Variants in RASAL2 observed in about 807,000 individuals in gnomAD.
RASAL2 encodes the protein RAS protein activator like 2.
In RASAL2, 58 loss-of-function variants were observed where a neutral mutation model predicts 128.9. That is an observed-to-expected ratio of 0.45 (90% CI 0.36 to 0.56). The LOEUF (loss-of-function observed/expected upper bound fraction) is 0.56. Among genes scored for constraint, RASAL2 ranks in the 20% least tolerant of loss-of-function variants. The pLI is 0.00. For synonymous variants in RASAL2, 561 were observed against 580.8 expected (o/e 0.97, Z 0.49); for missense variants, 1,360 against 1,601.6 (o/e 0.85, Z 2.57).
intron 1 of RASAL2, among the ~76,000 whole-genome samples, chr1:178,262,112 A>C (rs1665725651): frequency 6.6e-6 from 1 of 152,132 alleles, no homozygotes; most frequent in African/African-American, 2.4e-5. Flanking sequence ...ATGATTGAGG[A>C]ATATTCCAAG....
At chr1:178,181,960 C>T (rs991978536) in intron 1 of RASAL2, among the ~76,000 whole-genome samples, 2 of 152,094 alleles carry the variant, frequency 1.3e-5, no homozygotes, top group Non-Finnish European at 2.9e-5. Flanking sequence ...TGTAAAGTTA[C>T]TTTTTCCCCC....
At chr1:178,460,198 A>C (rs911191022) in intron 14 of RASAL2, among the ~76,000 whole-genome samples, 4 of 152,246 alleles carry the variant, frequency 2.6e-5, no homozygotes, top group African/African-American at 9.6e-5. Flanking sequence ...ATTAGCGAAG[A>C]GCATGAGATC....
At chr1:178,243,934 G>A (rs1380529064) in intron 1 of RASAL2, among the ~76,000 whole-genome samples, 3 of 152,190 alleles carry the variant, frequency 2.0e-5, no homozygotes, top group African/African-American at 4.8e-5. Flanking sequence ...TTCATTTAGA[G>A]TGCCTAGCTT....
At chr1:178,240,983 G>A (rs1437868045) in intron 1 of RASAL2, among the ~76,000 whole-genome samples, 1 of 151,602 alleles carries the variant, frequency 6.6e-6, no homozygotes, top group Non-Finnish European at 1.5e-5. Flanking sequence ...GCCCTCTGGT[G>A]TATCCTACTG....
chr1:178,400,858 C>T (rs1037053110), intron 4 of RASAL2, among the ~76,000 whole-genome samples: 2 of 152,170 alleles, frequency 1.3e-5, no homozygotes, highest in African/African-American at 4.8e-5. Flanking sequence ...TCAAGTGATT[C>T]TCCTGCCTCA....
At position 178,386,550 on chromosome 1, in the gene RASAL2, A is replaced by G. The variant is rs569044912; in HGVS notation, c.458-3550A>G. On this transcript the variant is annotated intron_variant, in intron 3 of 17. Coordinates refer to ENST00000367649, the MANE Select transcript of RASAL2 (RefSeq NM_170692.4). Reference sequence around the variant, plus strand: ...ATCACATCATCTGAGGTCATATCCAATGGCAAAGGAAATGAAGAGATACAT... The same window carrying G: ...ATCACATCATCTGAGGTCATATCCAGTGGCAAAGGAAATGAAGAGATACAT... Among the ~76,000 whole-genome samples, 12 of 152,308 alleles carry G rather than the reference A, an allele frequency of 7.9e-5. No homozygotes were observed. In the South Asian group the frequency reaches 1.9e-3, roughly 24 times the overall value.
At chr1:178,151,192 G>A (rs1220061780) in intron 1 of RASAL2, among the ~76,000 whole-genome samples, 4 of 152,060 alleles carry the variant, frequency 2.6e-5, no homozygotes, top group African/African-American at 4.8e-5. Flanking sequence ...GATCACTTGA[G>A]GTCAGGAGTT....
intron 4 of RASAL2, among the ~76,000 whole-genome samples, chr1:178,391,208 A>T (rs2102609532): frequency 6.6e-6 from 1 of 152,296 alleles, no homozygotes; most frequent in Admixed American, 6.5e-5. Flanking sequence ...CCTTAAGGAT[A>T]TTATTGTGTT....
intron 1 of RASAL2, among the ~76,000 whole-genome samples, chr1:178,209,387 G>A (rs2101982150): frequency 6.6e-6 from 1 of 152,214 alleles, no homozygotes; most frequent in Non-Finnish European, 1.5e-5. Context: ...ATAGTGCATT[G>A]GGATCAATAT....
In RASAL2 at chr1:178,442,935, G is replaced by A; in HGVS notation, c.1188G>A (p.Gly396=). Residue 396 remains glycine (G), a synonymous_variant, in exon 8 of 18, where the codon GGG becomes GGA. Transcript: ENST00000367649. ...KKKKDKNNYV[G]LVNIPTASVT... ...AAAAGGACAAGAATAATTATGTAGG[G>A]CTAGTCAACATCCCCACTGCCAGTG... 1 of 1,614,006 alleles carries A rather than the reference G, an allele frequency of 6.2e-7. No homozygotes were observed. The highest frequency in any genetic ancestry group is 8.5e-7 in the Non-Finnish European group (1 of 1,179,984).
chr1:178,382,324 A>T (rs1449811367), intron 3 of RASAL2, among the ~76,000 whole-genome samples: 1 of 152,030 alleles, frequency 6.6e-6, no homozygotes, highest in East Asian at 1.9e-4. Flanking sequence ...GTGTTTCTTG[A>T]CTAGAATGTT....
Position 178,371,894 on chromosome 1 carries a change from C to T in RASAL2, c.458-18206C>T, listed in dbSNP as rs772344940. On this transcript the variant is annotated intron_variant, in intron 3 of 17. Coordinates refer to ENST00000367649, the MANE Select transcript of RASAL2 (RefSeq NM_170692.4). ...TTTGAGTGTCTTTATTCTTTATTTT[C>T]GTATGATTTTTCCTGTCATTAAACA... is the stretch of plus-strand genomic sequence containing the variant. Among the ~76,000 whole-genome samples, 9 of 152,086 alleles carry T rather than the reference C, an allele frequency of 5.9e-5. No homozygotes were observed. The South Asian group carries it at 1.7e-3, about 28-fold the overall frequency.
intron 1 of RASAL2, among the ~76,000 whole-genome samples, chr1:178,143,809 A>C (rs1660624330): frequency 6.6e-6 from 1 of 151,954 alleles, no homozygotes; most frequent in South Asian, 2.1e-4. Flanking sequence ...ACAATTAAAA[A>C]TAAATTTTCA....
At chr1:178,265,074 G>A (rs1665881941) in intron 1 of RASAL2, among the ~76,000 whole-genome samples, 2 of 152,164 alleles carry the variant, frequency 1.3e-5, no homozygotes, top group Non-Finnish European at 2.9e-5. Flanking sequence ...GACCAAATAT[G>A]TATTTCTTAT....
chr1:178,259,644 C>T lies in RASAL2; in HGVS notation c.203-23920C>T, dbSNP rs1307174042. On this transcript the variant is annotated intron_variant, in intron 1 of 17. Transcript: ENST00000367649. ...ACTGGACAGTGCAGTGGTGTGAACA[C>T]AGCTCACTGTAGCCTTGGCCTCCAG... 3.3e-5 allele frequency among the ~76,000 whole-genome samples: 5 copies of T among 152,164 alleles called. No individual in the cohort carries two copies. The East Asian group carries it at 7.7e-4, about 24-fold the overall frequency.
rs543588256 is a variant in RASAL2 at position 178,434,105 on chromosome 1, G to T, written c.675-5317G>T. On this transcript the variant is annotated intron_variant, in intron 5 of 17. Coordinates refer to ENST00000367649, the MANE Select transcript of RASAL2 (RefSeq NM_170692.4). ...TGAGTTGGATTACGAGTTTGGTTTGGTTTGGTTTAGTTTCTGTTTTTTAAA... is the reference window on the plus strand; with the variant it reads ...TGAGTTGGATTACGAGTTTGGTTTGTTTTGGTTTAGTTTCTGTTTTTTAAA... Among the ~76,000 whole-genome samples, 20 of 152,128 alleles carry T rather than the reference G, an allele frequency of 1.3e-4. 1 individual carries two copies. The South Asian group carries it at 4.1e-3, about 32-fold the overall frequency.
chr1:178,438,881 C>CTGTGTGTGTGTGTGTGTG (rs3042589), intron 5 of RASAL2, among the ~76,000 whole-genome samples: 70 of 129,460 alleles, frequency 5.4e-4, no homozygotes, highest in East Asian at 1.3e-3. Flanking sequence ...AGCTTCGACT[C>CTGTGTGTGTGTGTGTGTG]TGTGTGTGTG....
At chr1:178,471,846 T>G (rs867726769) in intron 17 of RASAL2, among the ~76,000 whole-genome samples, 1 of 152,184 alleles carries the variant, frequency 6.6e-6, no homozygotes, top group Admixed American at 6.5e-5. Context: ...GGGTAGCTGC[T>G]GTTTTAATAG....
At chr1:178,202,717 A>G (rs1286158314) in intron 1 of RASAL2, among the ~76,000 whole-genome samples, 1 of 152,198 alleles carries the variant, frequency 6.6e-6, no homozygotes, top group African/African-American at 2.4e-5. Context: ...AAAACTGTGA[A>G]GGTATTTGTA....
Sources: gnomAD v4.1 joint callset for allele counts (sites outside exome capture counted in the v4.1 genomes callset) on GRCh38, gnomAD v4.1.1 for gene constraint, MANE v1.5 for transcripts, NCBI Gene and HGNC (gene_info 2026-07-23, HGNC 2026-07-21) for gene names.